Variants in GPAT3 observed in about 807,000 individuals in gnomAD.
GPAT3 encodes glycerol-3-phosphate acyltransferase 3.
In GPAT3, 53 loss-of-function variants were observed where a neutral mutation model predicts 58.8. The observed-to-expected ratio is 0.90, with a 90% CI of 0.72 to 1.13. The LOEUF (loss-of-function observed/expected upper bound fraction) is 1.13, where lower values mean the gene tolerates loss of function less well. GPAT3 is among the 50% of genes most tolerant of loss of function. The pLI is 0.00. For synonymous variants in GPAT3, 197 were observed against 187.4 expected (o/e 1.05, Z -0.42); for missense variants, 511 against 527.6 (o/e 0.97, Z 0.31).
At chr4:83,564,467 G>T (rs758836566) in intron 2 of GPAT3, among the ~76,000 whole-genome samples, 4 of 152,110 alleles carry the variant, frequency 2.6e-5, no homozygotes, top group African/African-American at 9.7e-5. Context: ...GGGAGGCTGA[G>T]GCGGGAGGAT....
At chr4:83,599,964 A>G (rs1726994411) in intron 11 of GPAT3, among the ~76,000 whole-genome samples, 1 of 152,210 alleles carries the variant, frequency 6.6e-6, no homozygotes, top group African/African-American at 2.4e-5. Flanking sequence ...CAATTATAAT[A>G]ATACACTGAC....
chr4:83,569,737 TTTTG>T lies in GPAT3; in HGVS notation c.209-11808_209-11805del, dbSNP rs764347028. 2.2e-3 allele frequency among the ~76,000 whole-genome samples: 341 copies of T among 152,132 alleles called. 2 individuals are homozygous for T. Among genetic ancestry groups the T allele is most frequent in the Non-Finnish European group, 3.7e-3 (253 of 67,998 alleles). ...TGGTGCACCACTGCCCAGGGCATGGTTTTGTTTGTTTGTTTGTTTGGCTTATTGT... is the reference window on the plus strand; with the variant it reads ...TGGTGCACCACTGCCCAGGGCATGGTTTTGTTTGTTTGTTTGGCTTATTGT... On this transcript the variant is annotated intron_variant, in intron 2 of 11. Transcript: ENST00000264409.
intron 3 of GPAT3, among the ~76,000 whole-genome samples, chr4:83,583,740 C>A (rs1464298081): frequency 6.8e-6 from 1 of 147,188 alleles, no homozygotes; most frequent in Non-Finnish European, 1.5e-5. Flanking sequence ...GTAATCCCAG[C>A]CCTTTGGGAG....
At chr4:83,590,900 T>G (rs1415585295) in intron 6 of GPAT3, among the ~76,000 whole-genome samples, 1 of 151,416 alleles carries the variant, frequency 6.6e-6, no homozygotes, top group Non-Finnish European at 1.5e-5. Flanking sequence ...TTTTTTTTTT[T>G]TTTTTCAAAT....
chr4:83,579,052 TTC>T lies in GPAT3; in HGVS notation c.209-2508_209-2507del, dbSNP rs1725976813. On this transcript the variant is annotated intron_variant, in intron 2 of 11. Coordinates refer to ENST00000264409, the MANE Select transcript of GPAT3 (RefSeq NM_032717.5). The stretch of plus-strand genomic sequence containing the variant: ...TTTCTTTCTTTCTTTCTTTCTTTCT[TTC>T]TTTCTTTCTTTCTTTCTTTCTTTCT... Among the ~76,000 whole-genome samples the T allele has an allele frequency of 1.3e-4, 5 of 38,716 alleles. No individual in the cohort carries two copies. In the East Asian group the frequency reaches 3.3e-3, roughly 25 times the overall value. 25.4% of individuals were successfully genotyped at this position (38,716 alleles called of 152,430 possible).
chr4:83,598,396 T>C, intron 10 of GPAT3: 1 of 715,350 alleles, frequency 1.4e-6, no homozygotes, highest in Non-Finnish European at 2.2e-6. Context: ...TTATTGAACC[T>C]ACAGATATTA....
chr4:83,599,300 A>G (rs1484061385), intron 11 of GPAT3, among the ~76,000 whole-genome samples: 1 of 152,180 alleles, frequency 6.6e-6, no homozygotes, highest in Admixed American at 6.5e-5. Flanking sequence ...ATGGTCTAAG[A>G]TGGCTGTTCC....
Position 83,605,135 on chromosome 4 carries a change from G to T in GPAT3, c.*368G>T, listed in dbSNP as rs373076793. On this transcript the variant is annotated 3_prime_UTR_variant, in exon 12 of 12. Coordinates refer to ENST00000264409, the MANE Select transcript of GPAT3 (RefSeq NM_032717.5). ...TGCCCAAACTCTTTTTCTGTAATTA[G>T]CCTTGCCACTTTCTTCAGTCACTTA... 2.4e-5 allele frequency: 4 copies of T among 164,034 alleles called. No individual in the cohort carries two copies. The East Asian group carries it at 5.3e-4, about 22-fold the overall frequency. 10.2% of individuals were successfully genotyped at this position (164,034 alleles called of 1,614,324 possible).
intron 11 of GPAT3, 28 bp downstream of exon 11, chr4:83,598,751 C>CT (rs70965361): frequency 0.012 from 1,757 of 152,244 alleles, 280 homozygotes; most frequent in Admixed American, 0.015. Context: ...AGTACTATCA[C>CT]TTTTTTTTTT....
intron 2 of GPAT3, among the ~76,000 whole-genome samples, chr4:83,559,803 G>T (rs955043158): frequency 6.6e-6 from 1 of 152,202 alleles, no homozygotes; most frequent in Non-Finnish European, 1.5e-5. Flanking sequence ...AAAAGATGAG[G>T]GGGGCAGGTG....
intron 2 of GPAT3, among the ~76,000 whole-genome samples, chr4:83,562,211 T>TATATATATATAATATATATATAA (rs55826032): frequency 1.4e-5 from 1 of 73,008 alleles, no homozygotes; most frequent in Non-Finnish European, 2.5e-5. Context: ...TATATATATA[T>TATATATATATAATATATATATAA]TATATATATA....
chr4:83,560,129 C>G (rs1725079954), intron 2 of GPAT3, among the ~76,000 whole-genome samples: 1 of 152,192 alleles, frequency 6.6e-6, no homozygotes, highest in African/African-American at 2.4e-5. Context: ...TTCCTCAAAG[C>G]TCTGTTTCCT....
chr4:83,588,796 A>G (rs1726482174), intron 5 of GPAT3, among the ~76,000 whole-genome samples: 1 of 152,252 alleles, frequency 6.6e-6, no homozygotes, highest in Non-Finnish European at 1.5e-5. Flanking sequence ...CTAAAATTCC[A>G]TAATTGAGCC....
intron 2 of GPAT3, among the ~76,000 whole-genome samples, chr4:83,554,937 A>C (rs1724895922): frequency 6.6e-6 from 1 of 151,234 alleles, no homozygotes; most frequent in African/African-American, 2.4e-5. Flanking sequence ...CTGAGTAGCC[A>C]GGACTATAGG....
rs766571856 is a variant in GPAT3 at position 83,604,755 on chromosome 4, A to G, written c.1293A>G (p.Gly431=). ...ACAGCAAGATGATTGTGGGCAATGG[A>G]TCTCTCAGCTAAGAGGACGGATGAC... ...KNYSKMIVGN[G]SLS The change falls in exon 12 of 12, where the codon GGA becomes GGG. Residue 431 remains glycine, a synonymous_variant. Transcript: ENST00000264409. The G allele has an allele frequency of 1.9e-6, 3 of 1,613,838 alleles. No homozygotes were observed. Among genetic ancestry groups the G allele is most frequent in the East Asian group, 2.2e-5 (1 of 44,846 alleles).
rs139253340 is a variant in GPAT3 at position 83,548,983 on chromosome 4, T to A, written c.208+4381T>A. Among the ~76,000 whole-genome samples the A allele has an allele frequency of 1.7e-4, 25 of 150,244 alleles. No homozygotes were observed. In the East Asian group the frequency reaches 4.8e-3, roughly 29 times the overall value. Reference sequence around the variant, plus strand: ...TACTTGAAATCCTGTATACATTGATTATATGAACATTAATAAAATCTTATA... The same window carrying A: ...TACTTGAAATCCTGTATACATTGATAATATGAACATTAATAAAATCTTATA... On this transcript the variant is annotated intron_variant, in intron 2 of 11. Coordinates refer to ENST00000264409, the MANE Select transcript of GPAT3 (RefSeq NM_032717.5).
At chr4:83,591,144 G>A (rs1263416625) in intron 6 of GPAT3, among the ~76,000 whole-genome samples, 1 of 152,070 alleles carries the variant, frequency 6.6e-6, no homozygotes, top group Non-Finnish European at 1.5e-5. Flanking sequence ...CAGTTCCAGG[G>A]ATTGACAGCC....
At position 83,536,309 on chromosome 4, in the gene GPAT3, G is replaced by T. The variant is rs1407135636; in HGVS notation, c.-314G>T. On this transcript the variant is annotated 5_prime_UTR_variant, in exon 1 of 12. Transcript: ENST00000264409. ...TCGCGCGCTCTGCCCGCGCCGCGGT[G>T]TGCCTCCGCTTACCCGCAGCTCCGA... The T allele has an allele frequency of 9.2e-6, 10 of 1,089,300 alleles. No individual in the cohort carries two copies. Among genetic ancestry groups the T allele is most frequent in the Non-Finnish European group, 1.1e-5 (10 of 897,078 alleles). The allele number at this position is 1,089,300 out of a possible 1,614,324, so 67.5% of individuals were successfully genotyped here.
chr4:83,576,453 T>TTTATTTAC (rs1224431282), intron 2 of GPAT3, among the ~76,000 whole-genome samples: 6 of 149,966 alleles, frequency 4.0e-5, no homozygotes, highest in Non-Finnish European at 3.0e-5. Flanking sequence ...TATTTATTTA[T>TTTATTTAC]TTACTTTTGA....
Sources: gnomAD v4.1 joint callset for allele counts (sites outside exome capture counted in the v4.1 genomes callset) on GRCh38, gnomAD v4.1.1 for gene constraint, MANE v1.5 for transcripts, NCBI Gene and HGNC (gene_info 2026-07-23, HGNC 2026-07-21) for gene names.